Variants in SCD5 observed in about 807,000 individuals in gnomAD.
The protein encoded by SCD5 is stearoyl-CoA desaturase 5.
A neutral mutation model predicts 30.4 loss-of-function variants in SCD5; 20 were observed. The ratio of observed to expected loss-of-function variants is 0.66; its 90% CI spans 0.46 to 0.96. The LOEUF is 0.96. Among genes scored for constraint, SCD5 ranks in the 40% least tolerant of loss-of-function variants. The probability of loss-of-function intolerance (pLI) is 0.00; values close to 1 mark genes in which losing one functional copy is unlikely to be tolerated. For missense variants in SCD5, 381 were observed against 443.3 expected (o/e 0.86, Z 1.26); for synonymous variants, 173 against 176.4 (o/e 0.98, Z 0.16).
Position 82,743,377 on chromosome 4 carries a change from A to G in SCD5, c.233-37964T>C, listed in dbSNP as rs1360905795. On this transcript the variant is annotated intron_variant, in intron 1 of 4. Transcript: ENST00000319540. ...AATAAAAAACAAAAATTAGTGGGGT[A>G]TAGTGGCTCATACCTGTAGTCCCAG... Among the ~76,000 whole-genome samples, 3 of 152,078 alleles carry G rather than the reference A, an allele frequency of 2.0e-5. No individual in the cohort carries two copies. In the East Asian group the frequency reaches 5.8e-4, roughly 29 times the overall value.
At chr4:82,638,919 T>C (rs1434742094) in intron 3 of SCD5, among the ~76,000 whole-genome samples, 3 of 152,190 alleles carry the variant, frequency 2.0e-5, no homozygotes, top group African/African-American at 7.2e-5. Context: ...AAGGGACTAT[T>C]ATCCCCATTT....
chr4:82,653,688 A>AGATAGATAGATAGAT (rs1727804089), intron 3 of SCD5, among the ~76,000 whole-genome samples: 3 of 139,156 alleles, frequency 2.2e-5, no homozygotes, highest in African/African-American at 8.1e-5. Flanking sequence ...ATAGATAGAT[A>AGATAGATAGATAGAT]GATAGATAGA....
At chr4:82,766,087 T>C (rs1721478542) in intron 1 of SCD5, among the ~76,000 whole-genome samples, 2 of 152,242 alleles carry the variant, frequency 1.3e-5, no homozygotes, top group African/African-American at 4.8e-5. Context: ...GTTTTCTTCA[T>C]ATTTCTTGTA....
intron 1 of SCD5, among the ~76,000 whole-genome samples, chr4:82,712,346 G>A (rs183636415): frequency 8.9e-4 from 105 of 118,352 alleles, no homozygotes; most frequent in African/African-American, 3.6e-3. Context: ...TCGCTCTGTC[G>A]CCCAGGCTCC....
chr4:82,738,030 A>G (rs956068470), intron 1 of SCD5, among the ~76,000 whole-genome samples: 4 of 152,202 alleles, frequency 2.6e-5, no homozygotes, highest in African/African-American at 9.6e-5. Context: ...AAACAACAAC[A>G]AAAAATAAGA....
chr4:82,680,364 C>G (rs1728541599), intron 3 of SCD5, among the ~76,000 whole-genome samples: 2 of 152,094 alleles, frequency 1.3e-5, no homozygotes, highest in Admixed American at 1.3e-4. Context: ...TAAAATGAAG[C>G]CAGCCCCCCT....
intron 3 of SCD5, among the ~76,000 whole-genome samples, chr4:82,679,193 C>A (rs1728498341): frequency 2.9e-5 from 2 of 68,566 alleles, no homozygotes; most frequent in East Asian, 3.0e-4. Context: ...AGTGAGACTC[C>A]ATCTCCAAAA....
chr4:82,631,304 CAT>C lies in SCD5; in HGVS notation c.*21_*22del, dbSNP rs1727286350. On this transcript the variant is annotated 3_prime_UTR_variant, in exon 5 of 5. Transcript: ENST00000319540. ...CATGAACCGAGGTTGCAACGGCAGA[CAT>C]GTGGGATGGCTGTTCCAAGTTCAAG... 6.2e-7 allele frequency: 1 copy of C among 1,606,110 alleles called. No homozygotes were observed. Among genetic ancestry groups the C allele is most frequent in the Middle Eastern group, 1.9e-4 (1 of 5,296 alleles).
intron 1 of SCD5, among the ~76,000 whole-genome samples, chr4:82,777,128 T>C (rs1721759932): frequency 6.6e-6 from 1 of 152,220 alleles, no homozygotes; most frequent in Non-Finnish European, 1.5e-5. Flanking sequence ...GCCCTCTCTC[T>C]GAGCACCTTA....
intron 2 of SCD5, among the ~76,000 whole-genome samples, chr4:82,699,192 G>T (rs533099755): frequency 6.6e-6 from 1 of 152,226 alleles, no homozygotes; most frequent in East Asian, 1.9e-4. Context: ...GGTCCCTAGT[G>T]CCATAAAGGC....
rs373370348 is a variant in SCD5 at position 82,631,386 on chromosome 4, G to A, written c.934C>T (p.Arg312Trp). Residue 312 changes from arginine (R) to tryptophan (W), a missense_variant, in exon 5 of 5, where the codon CGG becomes TGG. Arg to Trp is a moderately radical substitution (Grantham distance 101, BLOSUM62 -3). Coordinates refer to ENST00000319540, the MANE Select transcript of SCD5 (RefSeq NM_001037582.3). ...GCCTCGATCATCGGCTTGGTTGCCC[G>A]TTTGCGGTCAGTGGCCAGCCCCAGC... ...CWLGLATDRKRATKPMIEARK... is the reference protein window; with the variant it reads ...CWLGLATDRKWATKPMIEARK... 71 of 1,613,852 alleles carry A rather than the reference G, an allele frequency of 4.4e-5. No individual in the cohort carries two copies. The highest frequency in any genetic ancestry group is 7.7e-5 in the South Asian group (7 of 91,068).
intron 1 of SCD5, among the ~76,000 whole-genome samples, chr4:82,769,760 C>T (rs1280624555): frequency 6.6e-6 from 1 of 152,040 alleles, no homozygotes; most frequent in Non-Finnish European, 1.5e-5. Context: ...CTCTGAATGG[C>T]TTAAAAATAT....
chr4:82,782,167 G>A (rs771220093), intron 1 of SCD5, among the ~76,000 whole-genome samples: 5 of 151,006 alleles, frequency 3.3e-5, no homozygotes, highest in Non-Finnish European at 5.9e-5. Context: ...CTGTGTCTCC[G>A]GCCTGCCTGA....
In SCD5 at chr4:82,786,369, T is replaced by C. The variant is rs564910350; in HGVS notation, c.232+11937A>G. On this transcript the variant is annotated intron_variant, in intron 1 of 4. Coordinates refer to ENST00000319540, the MANE Select transcript of SCD5 (RefSeq NM_001037582.3). The stretch of plus-strand genomic sequence containing the variant: ...CAAGCTAAAACCAACACAGCCCAAA[T>C]AGCCAAGTGTGTGACAATCTTGATA... 3.9e-5 allele frequency among the ~76,000 whole-genome samples: 6 copies of C among 152,296 alleles called. No individual in the cohort carries two copies. In the South Asian group the frequency reaches 6.2e-4, roughly 16 times the overall value.
At chr4:82,785,228 A>C (rs1355299863) in intron 1 of SCD5, among the ~76,000 whole-genome samples, 2 of 152,248 alleles carry the variant, frequency 1.3e-5, no homozygotes, top group African/African-American at 4.8e-5. Context: ...AATTGAAAAG[A>C]AGCAGATACA....
intron 1 of SCD5, among the ~76,000 whole-genome samples, chr4:82,710,462 GT>G (rs1037020218): frequency 3.9e-4 from 59 of 152,240 alleles, no homozygotes; most frequent in African/African-American, 1.4e-3. Context: ...CCCTTTGATG[GT>G]GAGAGCTGCC....
intron 2 of SCD5, among the ~76,000 whole-genome samples, chr4:82,697,044 TA>T (rs1177112028): frequency 6.6e-6 from 1 of 152,224 alleles, no homozygotes; most frequent in Non-Finnish European, 1.5e-5. Flanking sequence ...TCTGTGGTTC[TA>T]AGACAAAGAA....
Position 82,729,713 on chromosome 4 carries a change from T to C in SCD5, c.233-24300A>G, listed in dbSNP as rs191672427. Among the ~76,000 whole-genome samples, 211 of 152,240 alleles carry C rather than the reference T, an allele frequency of 1.4e-3. 1 individual carries two copies. Among genetic ancestry groups the C allele is most frequent in the African/African-American group, 5.0e-3 (206 of 41,530 alleles). Reference sequence around the variant, plus strand: ...CTGAAGGCAATTACACAGCAGCAGATACAAAAGAGCTCTCTGCCCTCCCCC... The same window carrying C: ...CTGAAGGCAATTACACAGCAGCAGACACAAAAGAGCTCTCTGCCCTCCCCC... On this transcript the variant is annotated intron_variant, in intron 1 of 4. Coordinates refer to ENST00000319540, the MANE Select transcript of SCD5 (RefSeq NM_001037582.3).
chr4:82,761,717 C>T (rs1721373774), intron 1 of SCD5, among the ~76,000 whole-genome samples: 1 of 152,056 alleles, frequency 6.6e-6, no homozygotes, highest in Non-Finnish European at 1.5e-5. Flanking sequence ...TCTCCCGATG[C>T]TATCCCTCCC....
Sources: allele counts gnomAD v4.1 joint callset (sites outside exome capture counted in the v4.1 genomes callset), GRCh38; gene constraint gnomAD v4.1.1; transcripts MANE v1.5; gene names NCBI Gene and HGNC (gene_info 2026-07-23, HGNC 2026-07-21).